The following EEA1 variants were observed in gnomAD, a reference collection of about 807,000 sequenced individuals.
The protein encoded by EEA1 is early endosome antigen 1.
Under a neutral mutation model 209.2 loss-of-function variants are expected in EEA1, and 111 were observed. The ratio of observed to expected loss-of-function variants is 0.53; its 90% CI spans 0.45 to 0.62. EEA1 has a LOEUF of 0.62. EEA1 is among the 20% of genes least tolerant of loss of function. EEA1 has a pLI of 0.00. For synonymous variants in EEA1, 536 were observed against 540.6 expected (o/e 0.99, Z 0.12); for missense variants, 1,343 against 1,530.8 (o/e 0.88, Z 2.05).
At chr12:92,912,110 A>T (rs2136777698) in intron 1 of EEA1, among the ~76,000 whole-genome samples, 1 of 152,308 alleles carries the variant, frequency 6.6e-6, no homozygotes, top group Non-Finnish European at 1.5e-5. Flanking sequence ...ATCTAACCCA[A>T]ATGACATCAT....
intron 1 of EEA1, among the ~76,000 whole-genome samples, chr12:92,893,287 T>C (rs1474772820): frequency 6.6e-6 from 1 of 152,182 alleles, no homozygotes; most frequent in Non-Finnish European, 1.5e-5. Flanking sequence ...TATGCTAGCA[T>C]TATCCACACT....
Position 92,773,762 on chromosome 12 carries a change from C to T in EEA1, c.*2249G>A, listed in dbSNP as rs192784432. 4.6e-5 allele frequency: 7 copies of T among 151,272 alleles called. No individual in the cohort carries two copies. The highest frequency in any genetic ancestry group is 8.9e-5 in the Non-Finnish European group (6 of 67,554). 9.4% of individuals were successfully genotyped at this position (151,272 alleles called of 1,614,324 possible). A position where few individuals can be genotyped will look rare whatever the true frequency, so the allele number is the denominator to read the frequency against. ...AGGAAAAAAATTTAAATTTTTATTTCGAAAACACATTAAATTGGGGAGAGT... is the reference window on the plus strand; with the variant it reads ...AGGAAAAAAATTTAAATTTTTATTTTGAAAACACATTAAATTGGGGAGAGT... On this transcript the variant is annotated 3_prime_UTR_variant, in exon 29 of 29. Coordinates refer to ENST00000322349, the MANE Select transcript of EEA1 (RefSeq NM_003566.4).
intron 9 of EEA1, among the ~76,000 whole-genome samples, chr12:92,848,618 T>TA (rs1173861741): frequency 1.3e-5 from 2 of 151,398 alleles, no homozygotes; most frequent in Non-Finnish European, 2.9e-5. Context: ...TTTATTAGAG[T>TA]AACTCTTAAA....
intron 9 of EEA1, among the ~76,000 whole-genome samples, chr12:92,846,638 T>A (rs1877397178): frequency 6.6e-6 from 1 of 152,188 alleles, no homozygotes. Flanking sequence ...TTTTTAACCT[T>A]TAAATCCTCA....
At chr12:92,897,489 G>A (rs1325206953) in intron 1 of EEA1, among the ~76,000 whole-genome samples, 1 of 152,186 alleles carries the variant, frequency 6.6e-6, no homozygotes, top group African/African-American at 2.4e-5. Context: ...AACGTCTAGG[G>A]GGTATTTGGA....
At position 92,904,145 on chromosome 12, in the gene EEA1, G is replaced by A. The variant is rs1288383127; in HGVS notation, c.25-12424C>T. Among the ~76,000 whole-genome samples the A allele has an allele frequency of 4.6e-5, 7 of 152,158 alleles. No homozygotes were observed. The East Asian group carries it at 1.4e-3, about 29-fold the overall frequency. On this transcript the variant is annotated intron_variant, in intron 1 of 28. Transcript: ENST00000322349. ...CCCGGCTAATTTTGTATTTTTAGTA[G>A]AGACGGGGTTTCTCCATGTTGGTCA...
chr12:92,843,318 CCAGCTAATTTTTTTATTTTCTGTTGAGA>C (rs1242365760), intron 9 of EEA1, among the ~76,000 whole-genome samples: 1 of 152,046 alleles, frequency 6.6e-6, no homozygotes, highest in Non-Finnish European at 1.5e-5. Context: ...GCCATCACGC[CCAGCTAATTTTTTTATTTTCTGTTGAGA>C]CAGGGTCTTA....
rs758877971 is a variant in EEA1 at position 92,851,147 on chromosome 12, T to A, written c.762A>T (p.Glu254Asp). The change falls in exon 9 of 29, where the codon GAA becomes GAT. Residue 254 changes from glutamate to aspartate, a missense_variant. By Grantham distance (45) the Glu-to-Asp change is conservative. Coordinates refer to ENST00000322349, the MANE Select transcript of EEA1 (RefSeq NM_003566.4). ...RERESEKLKD[E>D]CKKLQSQYAS... ...CATATTGTGACTGCAATTTTTTGCATTCATCTTTGAGTTTTTCAGATTCTC... is the reference window on the plus strand; with the variant it reads ...CATATTGTGACTGCAATTTTTTGCAATCATCTTTGAGTTTTTCAGATTCTC... 19 of 1,613,708 alleles carry A rather than the reference T, an allele frequency of 1.2e-5. No homozygotes were observed. The highest frequency in any genetic ancestry group is 1.5e-5 in the Non-Finnish European group (18 of 1,179,912).
At chr12:92,837,960 G>A (rs1877001472) in intron 10 of EEA1, among the ~76,000 whole-genome samples, 1 of 152,178 alleles carries the variant, frequency 6.6e-6, no homozygotes, top group Admixed American at 6.5e-5. Context: ...GGTGAGAGAA[G>A]TAGATAGTGA....
intron 15 of EEA1, among the ~76,000 whole-genome samples, chr12:92,814,389 C>T (rs975029120): frequency 6.6e-6 from 1 of 152,044 alleles, no homozygotes; most frequent in Admixed American, 6.6e-5. Flanking sequence ...CAGAAGTCAG[C>T]TTTATTTACA....
intron 2 of EEA1, among the ~76,000 whole-genome samples, chr12:92,888,983 C>T (rs1392133960): frequency 6.6e-6 from 1 of 151,986 alleles, no homozygotes; most frequent in African/African-American, 2.4e-5. Flanking sequence ...AACCCTGTCT[C>T]TACTAAAAAT....
chr12:92,890,157 T>C (rs867666334), intron 2 of EEA1, among the ~76,000 whole-genome samples: 105 of 152,328 alleles, frequency 6.9e-4, no homozygotes, highest in African/African-American at 2.5e-3. Context: ...GTTTTATTCA[T>C]TTTTGATTTT....
chr12:92,859,717 T>G (rs1878046101), intron 3 of EEA1, among the ~76,000 whole-genome samples: 1 of 152,250 alleles, frequency 6.6e-6, no homozygotes, highest in Admixed American at 6.5e-5. Flanking sequence ...CTAATTGCGT[T>G]GACTTTCCCA....
chr12:92,850,285 T>C (rs1877554699), intron 9 of EEA1, among the ~76,000 whole-genome samples: 1 of 152,176 alleles, frequency 6.6e-6, no homozygotes, highest in African/African-American at 2.4e-5. Context: ...GTACACCACC[T>C]AGCAAGGATT....
chr12:92,839,895 C>T (rs2136699572), intron 10 of EEA1, among the ~76,000 whole-genome samples: 1 of 152,192 alleles, frequency 6.6e-6, no homozygotes, highest in Admixed American at 6.5e-5. Flanking sequence ...AAAACAATAT[C>T]TATTATATCA....
intron 16 of EEA1, 66 bp downstream of exon 16, chr12:92,812,914 A>C: frequency 2.7e-6 from 3 of 1,123,700 alleles, no homozygotes; most frequent in Non-Finnish European, 3.8e-6. Context: ...TCATCTTTAC[A>C]TGTTTGCAAT....
intron 14 of EEA1, among the ~76,000 whole-genome samples, chr12:92,817,724 G>A (rs1875860615): frequency 6.6e-6 from 1 of 151,972 alleles, no homozygotes; most frequent in South Asian, 2.1e-4. Context: ...TATTTATTGT[G>A]ACCACTCTCG....
At chr12:92,928,086 G>A (rs1451245799) in intron 1 of EEA1, among the ~76,000 whole-genome samples, 2 of 151,294 alleles carry the variant, frequency 1.3e-5, no homozygotes, top group Non-Finnish European at 2.9e-5. Flanking sequence ...GAACTAATAG[G>A]CTCGGCACCT....
At chr12:92,899,016 T>G (rs1221290468) in intron 1 of EEA1, among the ~76,000 whole-genome samples, 2 of 149,048 alleles carry the variant, frequency 1.3e-5, no homozygotes, top group Non-Finnish European at 3.0e-5. Flanking sequence ...CTGTATCCTG[T>G]CCAAGAATAG....
Sources: allele counts gnomAD v4.1 joint callset (sites outside exome capture counted in the v4.1 genomes callset), GRCh38; gene constraint gnomAD v4.1.1; transcripts MANE v1.5; gene names NCBI Gene and HGNC (gene_info 2026-07-23, HGNC 2026-07-21).